Variants in CCNB3 observed in about 807,000 individuals in gnomAD.
CCNB3 encodes cyclin B3.
CCNB3 carries 12 observed loss-of-function variants against 68.0 expected under a neutral mutation model. That is an observed-to-expected ratio of 0.18 (90% CI 0.11 to 0.29). CCNB3 has a LOEUF of 0.29. Among genes scored for constraint, CCNB3 ranks in the 10% least tolerant of loss-of-function variants. The pLI, the probability that CCNB3 is intolerant of heterozygous loss-of-function variation, is 1.00. For synonymous variants in CCNB3, 354 were observed against 388.9 expected (o/e 0.91, Z 1.06); for missense variants, 904 against 993.1 (o/e 0.91, Z 1.21).
chrX:50,280,256 C>T (rs1201496462), intron 1 of CCNB3, among the ~76,000 whole-genome samples: 1 of 55,459 alleles, frequency 1.8e-5, no homozygotes, highest in Non-Finnish European at 3.6e-5. Context: ...ATATAAATAT[C>T]TATATAGAAT....
At chrX:50,289,734 C>G (rs1302227775) in intron 4 of CCNB3, among the ~76,000 whole-genome samples, 2 of 111,620 alleles carry the variant, frequency 1.8e-5, no homozygotes, top group African/African-American at 6.5e-5. Flanking sequence ...TCTGTATTAT[C>G]TAGGCTATAG....
chrX:50,212,690 C>T (rs1444921478), intron 1 of CCNB3, among the ~76,000 whole-genome samples: 97 of 110,842 alleles, frequency 8.8e-4, no homozygotes, highest in African/African-American at 3.1e-3. Context: ...CACCCCTATA[C>T]ATCCCAGCTT....
chrX:50,226,351 A>C (rs1329640760), intron 1 of CCNB3, among the ~76,000 whole-genome samples: 1 of 65,524 alleles, frequency 1.5e-5, no homozygotes, highest in African/African-American at 6.3e-5. Context: ...GAATATATAT[A>C]AAAATATGTA....
At chrX:50,215,413 T>C (rs904675108) in intron 1 of CCNB3, among the ~76,000 whole-genome samples, 2 of 111,433 alleles carry the variant, frequency 1.8e-5, no homozygotes, top group Non-Finnish European at 3.8e-5. Flanking sequence ...GAGGGCATCA[T>C]CTATTTTGGT....
At chrX:50,217,227 T>A (rs1446097945) in intron 1 of CCNB3, among the ~76,000 whole-genome samples, 2 of 108,125 alleles carry the variant, frequency 1.8e-5, no homozygotes, top group African/African-American at 6.7e-5. Context: ...TCTCTTAATT[T>A]TCCTTCATCT....
At chrX:50,305,367 A>T (rs1936739425) in intron 5 of CCNB3, among the ~76,000 whole-genome samples, 1 of 111,595 alleles carries the variant, frequency 9.0e-6, no homozygotes, top group Admixed American at 9.6e-5. Flanking sequence ...GACATGGATG[A>T]AGCTGGAAAC....
upstream of CCNB3, chrX:50,204,584 T>G (rs1377521079): frequency 9.5e-6 from 1 of 105,734 alleles, no homozygotes; most frequent in African/African-American, 3.5e-5. Flanking sequence ...AGAAGAGAAA[T>G]TCCCTGAGAA....
At chrX:50,338,724 A>G in intron 8 of CCNB3, among the ~76,000 whole-genome samples, 1 of 112,413 alleles carries the variant, frequency 8.9e-6, no homozygotes, top group Non-Finnish European at 1.9e-5. Flanking sequence ...TCCCTTAACA[A>G]TATAGCCAAG....
At chrX:50,221,635 C>T (rs1445198752) in intron 1 of CCNB3, among the ~76,000 whole-genome samples, 12 of 110,550 alleles carry the variant, frequency 1.1e-4, no homozygotes, top group South Asian at 3.8e-4. Context: ...TGTGGTCTGA[C>T]GGACTGTTAT....
intron 8 of CCNB3, among the ~76,000 whole-genome samples, chrX:50,334,636 A>AT (rs1283219017): frequency 3.6e-5 from 4 of 112,100 alleles, no homozygotes; most frequent in African/African-American, 9.7e-5. Context: ...TCCAACTGCC[A>AT]TTTTTTCTCT....
At chrX:50,213,358 G>A (rs1324709151) in intron 1 of CCNB3, among the ~76,000 whole-genome samples, 21 of 111,837 alleles carry the variant, frequency 1.9e-4, no homozygotes, top group Admixed American at 4.8e-4. Context: ...AATCCCACTT[G>A]GTCATGGTAT....
intron 8 of CCNB3, among the ~76,000 whole-genome samples, chrX:50,320,311 GTTAT>G (rs1213102422): frequency 9.0e-6 from 1 of 110,891 alleles, no homozygotes; most frequent in Non-Finnish European, 1.9e-5. Flanking sequence ...TATTTATAAG[GTTAT>G]TTAAGTTATC....
intron 1 of CCNB3, among the ~76,000 whole-genome samples, chrX:50,226,243 A>ATAGAATATATATATTTATATATG (rs1935779431): frequency 2.9e-5 from 2 of 69,190 alleles, no homozygotes; most frequent in Non-Finnish European, 4.8e-5. Context: ...ATTTATATAT[A>ATAGAATATATATATTTATATATG]TAGAATATAT....
At chrX:50,281,880 C>A (rs1936142912) in intron 1 of CCNB3, among the ~76,000 whole-genome samples, 1 of 110,918 alleles carries the variant, frequency 9.0e-6, no homozygotes, top group African/African-American at 3.3e-5. Context: ...GACACGTGTC[C>A]TCACTCTATT....
At chrX:50,335,100 C>T (rs1348846521) in intron 8 of CCNB3, among the ~76,000 whole-genome samples, 1 of 111,711 alleles carries the variant, frequency 9.0e-6, no homozygotes, top group African/African-American at 3.3e-5. Flanking sequence ...GAAGGTCGTC[C>T]GTGTACTGGA....
chrX:50,306,477 T>A (rs1210714024), intron 5 of CCNB3, among the ~76,000 whole-genome samples: 2 of 111,903 alleles, frequency 1.8e-5, no homozygotes, highest in Non-Finnish European at 3.8e-5. Flanking sequence ...CTTGCCTACT[T>A]GCCCTAGCTA....
chrX:50,288,268 C>A (rs1936276761), intron 3 of CCNB3, among the ~76,000 whole-genome samples: 1 of 110,307 alleles, frequency 9.1e-6, no homozygotes, highest in African/African-American at 3.3e-5. Context: ...AGGTTAGGGA[C>A]CGCTGTTTTA....
At chrX:50,319,071 C>T (rs1921885672) in intron 8 of CCNB3, among the ~76,000 whole-genome samples, 1 of 111,312 alleles carries the variant, frequency 9.0e-6, no homozygotes. Context: ...CCAGATTTTG[C>T]CCCATGCTTC....
intron 3 of CCNB3, among the ~76,000 whole-genome samples, chrX:50,288,459 A>G (rs1305515053): frequency 1.8e-5 from 2 of 111,400 alleles, no homozygotes; most frequent in East Asian, 2.8e-4. Context: ...TCTACCTTGG[A>G]TAGGATAACC....
Sources: gnomAD v4.1 joint callset for allele counts (sites outside exome capture counted in the v4.1 genomes callset) on GRCh38, gnomAD v4.1.1 for gene constraint, MANE v1.5 for transcripts, NCBI Gene and HGNC (gene_info 2026-07-23, HGNC 2026-07-21) for gene names.